The following SFXN5 variants were observed in gnomAD, a reference collection of about 807,000 sequenced individuals.
SFXN5 encodes sideroflexin-5.
SFXN5 carries 43 observed loss-of-function variants against 50.2 expected under a neutral mutation model. The observed-to-expected ratio is 0.86, with a 90% confidence interval of 0.67 to 1.11. The LOEUF (loss-of-function observed/expected upper bound fraction) is 1.11, where lower values mean the gene tolerates loss of function less well. Among genes scored for constraint, SFXN5 ranks in the 50% least tolerant of loss-of-function variants. The probability of loss-of-function intolerance (pLI) is 0.00; values close to 1 mark genes in which losing one functional copy is unlikely to be tolerated. For synonymous variants in SFXN5, 203 were observed against 185.8 expected, an observed-to-expected ratio of 1.09 and a Z score of -0.75; for missense variants, 463 against 454.1, an observed-to-expected ratio of 1.02 and a Z score of -0.18.
intron 13 of SFXN5, among the ~76,000 whole-genome samples, chr2:72,948,915 G>T (rs1439294269): frequency 6.6e-6 from 1 of 152,036 alleles, no homozygotes; most frequent in Non-Finnish European, 1.5e-5. Flanking sequence ...ACCAACTCAT[G>T]CCCTCTAGAA....
chr2:73,021,104 AG>A (rs1466775265), intron 5 of SFXN5, among the ~76,000 whole-genome samples: 1 of 152,232 alleles, frequency 6.6e-6, no homozygotes, highest in Non-Finnish European at 1.5e-5. Context: ...AGGGCCTCAG[AG>A]GAATGCATGA....
At position 72,953,059 on chromosome 2, in the gene SFXN5, C is replaced by G. The variant is rs897441932; in HGVS notation, c.946-7960G>C. On this transcript the variant is annotated intron_variant, in intron 13 of 13. Coordinates refer to ENST00000272433, the MANE Select transcript of SFXN5 (RefSeq NM_144579.3). The surrounding 1 kb of genome is among the most constrained non-coding windows in gnomAD (Gnocchi z 4.1). ...AGGCAGCCCCGCCGAGGCCTGCCACCCGGGCATGTGTACATGTTCTTGCGT... is the reference window on the plus strand; with the variant it reads ...AGGCAGCCCCGCCGAGGCCTGCCACGCGGGCATGTGTACATGTTCTTGCGT... 4.6e-5 allele frequency among the ~76,000 whole-genome samples: 7 copies of G among 152,190 alleles called. No individual in the cohort carries two copies. The highest frequency in any genetic ancestry group is 8.8e-5 in the Non-Finnish European group (6 of 68,052).
intron 9 of SFXN5, among the ~76,000 whole-genome samples, chr2:72,993,496 A>G (rs1162191072): frequency 6.6e-6 from 1 of 152,184 alleles, no homozygotes; most frequent in Non-Finnish European, 1.5e-5. Context: ...CATGCCCCAC[A>G]AGGGCCAGGG....
chr2:72,999,849 G>A (rs1232983793), intron 8 of SFXN5, among the ~76,000 whole-genome samples: 1 of 152,150 alleles, frequency 6.6e-6, no homozygotes, highest in Non-Finnish European at 1.5e-5. Context: ...GGGGAGAGGT[G>A]GCCTTGCCAG....
chr2:73,056,258 T>G (rs1682104852), intron 2 of SFXN5, among the ~76,000 whole-genome samples: 1 of 152,210 alleles, frequency 6.6e-6, no homozygotes, highest in Non-Finnish European at 1.5e-5. Flanking sequence ...GGCAGGTGCC[T>G]GTAATCCCAG....
Position 72,962,222 on chromosome 2 carries a change from T to G in SFXN5, c.828-974A>C, listed in dbSNP as rs755136547. Among the ~76,000 whole-genome samples, 5 of 152,238 alleles carry G rather than the reference T, an allele frequency of 3.3e-5. No individual in the cohort carries two copies. The East Asian group carries it at 9.6e-4, about 29-fold the overall frequency. ...GCACTAAATCTGACCTCAGTAACTG[T>G]TAGCCTCCAAGTGACAGGCTCCTGG... On this transcript the variant is annotated intron_variant, in intron 12 of 13. Coordinates refer to ENST00000272433, the MANE Select transcript of SFXN5 (RefSeq NM_144579.3).
chr2:72,982,605 A>G (rs1671446105), intron 10 of SFXN5, among the ~76,000 whole-genome samples: 1 of 152,226 alleles, frequency 6.6e-6, no homozygotes, highest in Non-Finnish European at 1.5e-5. Flanking sequence ...TGGGGGAGGC[A>G]GGCTTGGAAA....
intron 6 of SFXN5, among the ~76,000 whole-genome samples, chr2:73,004,274 C>T (rs1674301302): frequency 6.6e-6 from 1 of 151,166 alleles, no homozygotes; most frequent in African/African-American, 2.4e-5. Context: ...TTCCTTGCTG[C>T]TCCCAATGGA....
chr2:73,014,585 T>G (rs1675922566), intron 6 of SFXN5, among the ~76,000 whole-genome samples: 1 of 152,192 alleles, frequency 6.6e-6, no homozygotes, highest in East Asian at 1.9e-4. Context: ...CAAATCCTGA[T>G]GAGATTATGA....
chr2:73,063,238 T>C (rs959953939), intron 1 of SFXN5, among the ~76,000 whole-genome samples: 2 of 152,176 alleles, frequency 1.3e-5, no homozygotes, highest in Non-Finnish European at 2.9e-5. Context: ...AAAGAGACTC[T>C]GAATTGGAAA....
chr2:73,052,359 C>CGTGTGT (rs59839344), intron 2 of SFXN5, among the ~76,000 whole-genome samples: 31 of 142,348 alleles, frequency 2.2e-4, no homozygotes, highest in Non-Finnish European at 4.6e-4. Flanking sequence ...TGTGTGTATG[C>CGTGTGT]GTGTGTGTGT....
chr2:73,010,922 A>C (rs1051840589), intron 6 of SFXN5, among the ~76,000 whole-genome samples: 2 of 152,234 alleles, frequency 1.3e-5, no homozygotes, highest in African/African-American at 4.8e-5. Flanking sequence ...AAACACTTTC[A>C]TTAGAAGGAA....
chr2:73,000,744 C>A (rs1303174133), intron 7 of SFXN5, among the ~76,000 whole-genome samples: 1 of 152,228 alleles, frequency 6.6e-6, no homozygotes, highest in Non-Finnish European at 1.5e-5. Context: ...CAGTAGTCCA[C>A]CTGATCCTGA....
At chr2:73,054,884 A>T (rs1024270990) in intron 2 of SFXN5, among the ~76,000 whole-genome samples, 1 of 152,228 alleles carries the variant, frequency 6.6e-6, no homozygotes, top group Non-Finnish European at 1.5e-5. Context: ...CTTTTTATGT[A>T]ATTGCATTGA....
At chr2:73,035,493 CTTTTTTTT>C (rs761321478) in intron 3 of SFXN5, among the ~76,000 whole-genome samples, 1 of 101,844 alleles carries the variant, frequency 9.8e-6, no homozygotes, top group Non-Finnish European at 1.8e-5. Flanking sequence ...GTATCGCAAT[CTTTTTTTT>C]TTTTTTTTTT....
At chr2:73,008,730 C>T (rs1344094522) in intron 6 of SFXN5, among the ~76,000 whole-genome samples, 1 of 152,204 alleles carries the variant, frequency 6.6e-6, no homozygotes, top group Non-Finnish European at 1.5e-5. Context: ...CAGGGACAGC[C>T]TCAGTGCACC....
intron 2 of SFXN5, among the ~76,000 whole-genome samples, chr2:73,055,853 G>A (rs148396363): frequency 2.0e-4 from 31 of 152,142 alleles, no homozygotes; most frequent in Non-Finnish European, 3.5e-4. Flanking sequence ...TCCTGACCTC[G>A]TTATCTGCCC....
intron 3 of SFXN5, among the ~76,000 whole-genome samples, chr2:73,035,637 C>A (rs970306137): frequency 1.3e-5 from 2 of 151,658 alleles, no homozygotes; most frequent in African/African-American, 4.9e-5. Flanking sequence ...GTAGCTGGGA[C>A]TACAGGTGCA....
At chr2:72,956,897 C>A in intron 13 of SFXN5, 2 of 389,466 alleles carry the variant, frequency 5.1e-6, no homozygotes, top group South Asian at 1.8e-5. Flanking sequence ...AAAGAAGAAA[C>A]TGAATACCAT....
Sources: allele counts gnomAD v4.1 joint callset (sites outside exome capture counted in the v4.1 genomes callset), GRCh38; gene constraint gnomAD v4.1.1; non-coding constraint Gnocchi (gnomAD v3.1); transcripts MANE v1.5; gene names NCBI Gene and HGNC (gene_info 2026-07-23, HGNC 2026-07-21).